The following GRM7 variants were observed in gnomAD, a reference collection of about 807,000 sequenced individuals.
GRM7 encodes the protein glutamate metabotropic receptor 7.
Under a neutral mutation model 84.5 loss-of-function variants are expected in GRM7, and 35 were observed. That is an observed-to-expected ratio of 0.41 (90% CI 0.32 to 0.55). The LOEUF (loss-of-function observed/expected upper bound fraction) is 0.55. Among genes scored for constraint, GRM7 ranks in the 20% least tolerant of loss-of-function variants. GRM7 has a pLI of 0.19. For synonymous variants in GRM7, 487 were observed against 455.1 expected, an observed-to-expected ratio of 1.07 and a Z score of -0.89; for missense variants, 1,003 against 1,194.6, an observed-to-expected ratio of 0.84 and a Z score of 2.36.
chr3:7,532,174 G>C lies in GRM7; in HGVS notation c.1516-46248G>C, dbSNP rs138571350. ...GGAGTCCCTCTTTTTCTGTTGTTTGGAATAGTTTCAGAAGGAATGGTACCA... is the reference window on the plus strand; with the variant it reads ...GGAGTCCCTCTTTTTCTGTTGTTTGCAATAGTTTCAGAAGGAATGGTACCA... On this transcript the variant is annotated intron_variant, in intron 7 of 9. Transcript: ENST00000357716. Among the ~76,000 whole-genome samples the C allele has an allele frequency of 1.1e-3, 169 of 152,166 alleles. 1 individual carries two copies. Among genetic ancestry groups the C allele is most frequent in the African/African-American group, 3.9e-3 (160 of 41,516 alleles).
chr3:7,160,887 G>A (rs1413377180), intron 2 of GRM7, among the ~76,000 whole-genome samples: 1 of 152,038 alleles, frequency 6.6e-6, no homozygotes, highest in African/African-American at 2.4e-5. Flanking sequence ...GCTAAAGGTA[G>A]GTATTGTTTG....
intron 1 of GRM7, among the ~76,000 whole-genome samples, chr3:7,102,329 A>G (rs1699139263): frequency 6.6e-6 from 1 of 151,674 alleles, no homozygotes; most frequent in African/African-American, 2.4e-5. Context: ...TTGGTTAATA[A>G]TTCATTAACA....
intron 2 of GRM7, among the ~76,000 whole-genome samples, chr3:7,166,288 T>C (rs1363221905): frequency 1.3e-5 from 2 of 152,216 alleles, no homozygotes; most frequent in Non-Finnish European, 2.9e-5. Flanking sequence ...TCTGATCTTA[T>C]ACCTGTAACA....
At chr3:7,292,272 T>C (rs893906786) in intron 2 of GRM7, among the ~76,000 whole-genome samples, 6 of 152,196 alleles carry the variant, frequency 3.9e-5, no homozygotes, top group African/African-American at 1.4e-4. Context: ...GAAATTGAAT[T>C]TCTTTTATAA....
intron 9 of GRM7, among the ~76,000 whole-genome samples, chr3:7,706,046 AC>A (rs1367470532): frequency 6.6e-6 from 1 of 151,298 alleles, no homozygotes; most frequent in African/African-American, 2.5e-5. Flanking sequence ...AGAGGTAAAA[AC>A]AACAACACTG....
intron 1 of GRM7, among the ~76,000 whole-genome samples, chr3:6,980,781 G>A (rs1349551917): frequency 6.6e-6 from 1 of 152,132 alleles, no homozygotes; most frequent in Non-Finnish European, 1.5e-5. Context: ...TGCTAGAGAA[G>A]GAAGAAAAGA....
intron 7 of GRM7, among the ~76,000 whole-genome samples, chr3:7,490,948 T>C (rs1373308866): frequency 2.0e-5 from 3 of 151,742 alleles, no homozygotes; most frequent in Non-Finnish European, 4.4e-5. Flanking sequence ...AAGAAAAAAA[T>C]TGTATTATCT....
intron 8 of GRM7, among the ~76,000 whole-genome samples, chr3:7,655,764 G>A (rs1699153063): frequency 6.6e-6 from 1 of 152,036 alleles, no homozygotes; most frequent in Non-Finnish European, 1.5e-5. Context: ...CTTCCCCAGA[G>A]CACCATTTGG....
intron 4 of GRM7, among the ~76,000 whole-genome samples, chr3:7,327,754 A>G (rs1701042949): frequency 6.6e-6 from 1 of 152,340 alleles, no homozygotes; most frequent in South Asian, 2.1e-4. Flanking sequence ...ACCAGGTGGG[A>G]AGAGATGTCA....
chr3:7,717,021 A>C (rs1249024105), intron 9 of GRM7, among the ~76,000 whole-genome samples: 1 of 152,136 alleles, frequency 6.6e-6, no homozygotes, highest in African/African-American at 2.4e-5. Context: ...CCTCTGGTTC[A>C]CTTTTCTGAC....
At chr3:7,081,589 C>T (rs1050231224) in intron 1 of GRM7, among the ~76,000 whole-genome samples, 8 of 152,042 alleles carry the variant, frequency 5.3e-5, no homozygotes, top group African/African-American at 1.9e-4. Flanking sequence ...GGAATAATCA[C>T]ACATCTCTCA....
intron 2 of GRM7, among the ~76,000 whole-genome samples, chr3:7,156,562 TC>T (rs1399368389): frequency 1.3e-5 from 2 of 152,140 alleles, no homozygotes; most frequent in African/African-American, 4.8e-5. Context: ...TTCACTTCCT[TC>T]ACAGGGAGAA....
chr3:6,982,660 C>T (rs2124835683), intron 1 of GRM7, among the ~76,000 whole-genome samples: 1 of 151,954 alleles, frequency 6.6e-6, no homozygotes. Flanking sequence ...GAGTCTCCCC[C>T]AGCTGGTAAA....
At chr3:6,877,001 T>C (rs563387202) in intron 1 of GRM7, among the ~76,000 whole-genome samples, 1 of 152,310 alleles carries the variant, frequency 6.6e-6, no homozygotes, top group East Asian at 1.9e-4. Context: ...CTTTGTCTGA[T>C]TGCAAGCTTA....
intron 2 of GRM7, among the ~76,000 whole-genome samples, chr3:7,261,931 C>CTCCCTCCCTTCCTCCCTTCCTTCCT (rs1159569960): frequency 1.4e-5 from 2 of 138,480 alleles, no homozygotes; most frequent in Admixed American, 7.2e-5. Context: ...CCTTCCTTCC[C>CTCCCTCCCTTCCTCCCTTCCTTCCT]TCCTTCCCTC....
intron 2 of GRM7, among the ~76,000 whole-genome samples, chr3:7,150,457 G>A (rs1216441146): frequency 6.6e-6 from 1 of 152,094 alleles, no homozygotes; most frequent in Non-Finnish European, 1.5e-5. Flanking sequence ...TTTAAAACAT[G>A]GAAGTCTAAG....
At chr3:6,890,152 A>G (rs187291679) in intron 1 of GRM7, among the ~76,000 whole-genome samples, 1 of 152,088 alleles carries the variant, frequency 6.6e-6, no homozygotes, top group African/African-American at 2.4e-5. Flanking sequence ...GTAGCGGTCT[A>G]TCAATTTTGT....
intron 4 of GRM7, among the ~76,000 whole-genome samples, chr3:7,382,962 CAAG>C (rs1694648048): frequency 2.6e-5 from 4 of 152,180 alleles, no homozygotes; most frequent in African/African-American, 9.6e-5. Flanking sequence ...ACTGTGACTT[CAAG>C]GAGAGGAAAT....
chr3:7,584,273 A>G (rs1457815927), intron 8 of GRM7, among the ~76,000 whole-genome samples: 2 of 152,228 alleles, frequency 1.3e-5, no homozygotes, highest in Non-Finnish European at 2.9e-5. Flanking sequence ...GTGAATTCCA[A>G]ATTAACTTTT....
Sources: allele counts gnomAD v4.1 joint callset (sites outside exome capture counted in the v4.1 genomes callset), GRCh38; gene constraint gnomAD v4.1.1; transcripts MANE v1.5; gene names NCBI Gene and HGNC (gene_info 2026-07-23, HGNC 2026-07-21).